FBRS: variants seen among roughly 807,000 people sequenced by gnomAD.
The protein encoded by FBRS is probable fibrosin-1.
Under a neutral mutation model 86.1 loss-of-function variants are expected in FBRS, and 15 were observed. The observed-to-expected ratio is 0.17, with a 90% CI of 0.12 to 0.27. FBRS has a LOEUF of 0.27. FBRS is among the 10% of genes least tolerant of loss of function. The pLI is 1.00. For synonymous variants in FBRS, 666 were observed against 575.8 expected (o/e 1.16, Z -2.24); for missense variants, 1,367 against 1,301.6 (o/e 1.05, Z -0.77).
Position 30,669,231 on chromosome 16 carries a change from TGCCGCC to T in FBRS, c.2535_2540del (p.Ala848_Ala849del). 1.3e-6 allele frequency: 2 copies of T among 1,545,760 alleles called. No individual in the cohort carries two copies. The highest frequency in any genetic ancestry group is 8.7e-7 in the Non-Finnish European group (1 of 1,143,790). On this transcript the variant is annotated inframe_deletion, in exon 18 of 18. Transcript: ENST00000356166. This position sits in a 1 kb window ranked among gnomAD's most constrained non-coding sequence, Gnocchi z 5.9. ...CTGCCGCTGCTGCTGCCGCCGCCGC[TGCCGCC>T]GCCGCAGCAGCCACTGGGCCCCAGG...
intron 12 of FBRS, 101 bp downstream of exon 12, chr16:30,666,642 C>T (rs1223814212): frequency 6.4e-7 from 1 of 1,564,114 alleles, no homozygotes; most frequent in Non-Finnish European, 8.8e-7. Context: ...AAGCCCAGAA[C>T]ATGGAGGCAG....
Position 30,662,565 on chromosome 16 carries a change from G to A in FBRS, c.761G>A (p.Gly254Asp). 6.5e-7 allele frequency: 1 copy of A among 1,543,592 alleles called. No individual in the cohort carries two copies. Among genetic ancestry groups the A allele is most frequent in the Middle Eastern group, 1.7e-4 (1 of 5,960 alleles). ...SFTVSTSKASGPHGAFNGNCE... is the reference protein window; with the variant it reads ...SFTVSTSKASDPHGAFNGNCE... ...CTGCCATCCTGCCCCACAGCCTCGG[G>A]CCCCCACGGCGCCTTCAATGGGAAC... Residue 254 changes from glycine to aspartate, a missense_variant, in exon 6 of 18, where the codon GGC becomes GAC. Physicochemically the swap from Gly to Asp is moderately conservative, Grantham distance 94. Coordinates refer to ENST00000356166, the MANE Select transcript of FBRS (RefSeq NM_001105079.3).
chr16:30,668,293 A>C, intron 15 of FBRS: 3 of 457,236 alleles, frequency 6.6e-6, no homozygotes, highest in Non-Finnish European at 1.2e-5. Flanking sequence ...GACCACCAGC[A>C]AGTCATTTCA....
chr16:30,666,317 C>A, intron 11 of FBRS, 195 bp from the exon 12 acceptor site: 1 of 690,942 alleles, frequency 1.4e-6, no homozygotes, highest in Non-Finnish European at 2.4e-6. Flanking sequence ...GGGCTTGGTT[C>A]AGAAACCTTG....
chr16:30,668,671 G>C lies in FBRS; in HGVS notation c.2158+28G>C, dbSNP rs529120298. 31 of 1,588,506 alleles carry C rather than the reference G, an allele frequency of 2.0e-5. 1 individual carries two copies. The Admixed American group carries it at 4.9e-4, about 25-fold the overall frequency. Reference sequence around the variant, plus strand: ...GAGTGCGGGTGCGGTGGGGTGGGGGGGCTGCGGCCACAGGGTGAGAGCTCA... The same window carrying C: ...GAGTGCGGGTGCGGTGGGGTGGGGGCGCTGCGGCCACAGGGTGAGAGCTCA... On this transcript the variant is annotated intron_variant, in intron 16 of 17. Coordinates refer to ENST00000356166, the MANE Select transcript of FBRS (RefSeq NM_001105079.3).
At position 30,664,353 on chromosome 16, in the gene FBRS, G is replaced by C. The variant is rs1427928798; in HGVS notation, c.1194G>C (p.Leu398=). 1 of 1,510,996 alleles carries C rather than the reference G, an allele frequency of 6.6e-7. No homozygotes were observed. The highest frequency in any genetic ancestry group is 1.4e-5 in the African/African-American group (1 of 70,952). The allele number at this position is 1,510,996 out of a possible 1,614,324, so 93.6% of individuals were successfully genotyped here. A position where few individuals can be genotyped will look rare whatever the true frequency, so the allele number is the denominator to read the frequency against. ...CCCACCGGCCCCCGACGCCCTCACT[G>C]CCCCTGCCTTTGTCCACCCACAGCT... ...QLTHRPPTPS[L]PLPLSTHSFP... Residue 398 remains leucine (L), a synonymous_variant, in exon 7 of 18, where the codon CTG becomes CTC. Transcript: ENST00000356166.
Position 30,662,618 on chromosome 16 carries a change from A to G in FBRS, c.814A>G (p.Lys272Glu). 6.5e-7 allele frequency: 1 copy of G among 1,544,486 alleles called. No homozygotes were observed. Among genetic ancestry groups the G allele is most frequent in the Non-Finnish European group, 8.7e-7 (1 of 1,142,908 alleles). The change falls in exon 6 of 18, where the codon AAA (lysine) becomes GAA (glutamate). Residue 272 changes from lysine to glutamate, a missense_variant. Physicochemically the swap from Lys to Glu is moderately conservative, Grantham distance 56 (BLOSUM62 1). Around this residue, in one of 3 missense-constraint regions of FBRS, gnomAD observed 702 missense variants for 598.7 expected, o/e 1.17. Transcript: ENST00000356166. ...TGAAGCAAAACTCTCCGTGGTCCCTAAAGTGTCGGGCCTGGAGCGGAGCCA... is the reference window on the plus strand; with the variant it reads ...TGAAGCAAAACTCTCCGTGGTCCCTGAAGTGTCGGGCCTGGAGCGGAGCCA... ...NCEAKLSVVP[K>E]VSGLERSQEQ...
chr16:30,660,709 A>G, intron 2 of FBRS: 1 of 524,848 alleles, frequency 1.9e-6, no homozygotes, highest in Non-Finnish European at 3.0e-6. Flanking sequence ...TCGTAAATTA[A>G]TTGTGGTTCC....
chr16:30,666,234 G>C (rs963611214), intron 11 of FBRS: 3 of 584,458 alleles, frequency 5.1e-6, no homozygotes, highest in Admixed American at 3.0e-5. Flanking sequence ...GTTGGTAATA[G>C]GAGAGCTTCT....
intron 4 of FBRS, among the ~76,000 whole-genome samples, chr16:30,661,763 T>G (rs756293024): frequency 6.6e-6 from 1 of 151,504 alleles, no homozygotes; most frequent in Non-Finnish European, 1.5e-5. Context: ...AAAGGTGTAT[T>G]TGAGTTTATC....
rs1322117216 is a variant in FBRS, at chr16:30,662,570, C to T, written c.766C>T (p.His256Tyr). ...TVSTSKASGP[H>Y]GAFNGNCEAK... ...ATCCTGCCCCACAGCCTCGGGCCCC[C>T]ACGGCGCCTTCAATGGGAACTGTGA... Residue 256 changes from histidine (H) to tyrosine (Y), a missense_variant, in exon 6 of 18, where the codon CAC becomes TAC. By Grantham distance (83) the His-to-Tyr change is moderately conservative. Coordinates refer to ENST00000356166, the MANE Select transcript of FBRS (RefSeq NM_001105079.3). 1 of 1,542,922 alleles carries T rather than the reference C, an allele frequency of 6.5e-7. No homozygotes were observed. Among genetic ancestry groups the T allele is most frequent in the Admixed American group, 2.0e-5 (1 of 50,542 alleles).
Position 30,668,785 on chromosome 16 carries a change from C to G in FBRS, c.2172C>G (p.Val724=), listed in dbSNP as rs908104029. The part of the protein sequence containing the change: ...LGSPTFNSGA[V]FAQKESPGAP... ...CCCTCTGCCCAGACTCCGGCGCCGT[C>G]TTTGCCCAGAAAGAAAGCCCAGGGG... is the stretch of plus-strand genomic sequence containing the variant. The change falls in exon 17 of 18, where the codon GTC becomes GTG. Residue 724 remains valine (V), a synonymous_variant. Transcript: ENST00000356166. 6.2e-7 allele frequency: 1 copy of G among 1,600,538 alleles called. No individual in the cohort carries two copies. The highest frequency in any genetic ancestry group is 2.2e-5 in the East Asian group (1 of 44,782).
chr16:30,668,720 C>G (rs2052552428), intron 16 of FBRS, 52 bp from the exon 17 acceptor site: 4 of 1,582,248 alleles, frequency 2.5e-6, no homozygotes, highest in East Asian at 4.5e-5. Flanking sequence ...GAGGCCTGAA[C>G]AGGGCCTCCC....
chr16:30,659,490 C>T lies in FBRS; in HGVS notation c.-29C>T, dbSNP rs985687825. 2.8e-5 allele frequency: 8 copies of T among 286,400 alleles called. No homozygotes were observed. The highest frequency in any genetic ancestry group is 1.3e-4 in the African/African-American group (6 of 44,700). The allele number at this position is 286,400 out of a possible 1,614,324, so 17.7% of individuals were successfully genotyped here. ...GACAGGCCGCTTCGGGCCCCGCCGC[C>T]TCCGGATGCGGCGCTGAGGGCGGTC... On this transcript the variant is annotated 5_prime_UTR_variant, in exon 1 of 18. Transcript: ENST00000356166.
rs1165005480 is a variant in FBRS, at chr16:30,664,468, C to T, written c.1309C>T (p.Leu437=). Residue 437 remains leucine (L), a synonymous_variant, in exon 7 of 18, where the codon CTG becomes TTG. Coordinates refer to ENST00000356166, the MANE Select transcript of FBRS (RefSeq NM_001105079.3). ...GPTLPPPPPL[L]QVPGHPGASA... Reference sequence around the variant, plus strand: ...CACCCTGCCCCCACCCCCACCCCTGCTGCAGGTGCCAGGGCACCCTGGGGC... The same window carrying T: ...CACCCTGCCCCCACCCCCACCCCTGTTGCAGGTGCCAGGGCACCCTGGGGC... 4.2e-6 allele frequency: 6 copies of T among 1,412,116 alleles called. No homozygotes were observed. Among genetic ancestry groups the T allele is most frequent in the Admixed American group, 5.7e-5 (2 of 34,852 alleles). The allele number at this position is 1,412,116 out of a possible 1,614,324, so 87.5% of individuals were successfully genotyped here.
intron 4 of FBRS, chr16:30,661,920 C>T (rs1787232868): frequency 5.7e-6 from 1 of 176,500 alleles, no homozygotes; most frequent in Non-Finnish European, 1.2e-5. Flanking sequence ...TGTGGTGAAC[C>T]AGAGGGTTCT....
Position 30,663,002 on chromosome 16 carries a change from C to T in FBRS, c.1055+143C>T, listed in dbSNP as rs189209857. ...GAGAAAAACAAATGGAAAGAGATGA[C>T]TGCAGGACTTATTTGAGTCCGTTAC... On this transcript the variant is annotated intron_variant, in intron 6 of 17. Coordinates refer to ENST00000356166, the MANE Select transcript of FBRS (RefSeq NM_001105079.3). 4.1e-5 allele frequency: 53 copies of T among 1,293,484 alleles called. No homozygotes were observed. The Admixed American group carries it at 8.7e-4, about 21-fold the overall frequency. 80.1% of individuals were successfully genotyped at this position (1,293,484 alleles called of 1,614,324 possible).
chr16:30,667,218 C>A (rs1331750454), intron 13 of FBRS, 102 bp from the exon 14 acceptor site: 1 of 1,056,250 alleles, frequency 9.5e-7, no homozygotes, highest in Non-Finnish European at 1.4e-6. Context: ...CAGGCCCCAT[C>A]TGGGTGCCAG....
rs1567548420 is a variant in FBRS at position 30,669,342 on chromosome 16, G to A, written c.2640G>A (p.Leu880=). 5 of 1,612,254 alleles carry A rather than the reference G, an allele frequency of 3.1e-6. No individual in the cohort carries two copies. In the Admixed American group the frequency reaches 5.0e-5, roughly 16 times the overall value. ...PSPPDRCAGF[L]EPTWLAAPPR... Reference sequence around the variant, plus strand: ...CACCAGATCGCTGTGCTGGCTTCCTGGAGCCAACCTGGTTGGCAGCACCCC... The same window carrying A: ...CACCAGATCGCTGTGCTGGCTTCCTAGAGCCAACCTGGTTGGCAGCACCCC... The change falls in exon 18 of 18, where the codon CTG becomes CTA. Residue 880 remains leucine, a synonymous_variant. Transcript: ENST00000356166. The surrounding 1 kb of genome is among the most constrained non-coding windows in gnomAD (Gnocchi z 5.9).
Sources: allele counts gnomAD v4.1 joint callset (sites outside exome capture counted in the v4.1 genomes callset), GRCh38; gene constraint gnomAD v4.1.1; regional missense constraint gnomAD v4.1.1; non-coding constraint Gnocchi (gnomAD v3.1); transcripts MANE v1.5; gene names NCBI Gene and HGNC (gene_info 2026-07-23, HGNC 2026-07-21).